The following UVRAG variants were observed in gnomAD, a reference collection of about 807,000 sequenced individuals.
UVRAG encodes the protein UV radiation resistance-associated gene protein.
A neutral mutation model predicts 78.0 loss-of-function variants in UVRAG; 19 were observed. The observed-to-expected ratio is 0.24, with a 90% confidence interval of 0.17 to 0.36. The LOEUF is 0.36. Ranked by LOEUF, UVRAG falls within the 10% of genes least tolerant of loss-of-function variation. The probability of loss-of-function intolerance (pLI) is 1.00; values close to 1 mark genes in which losing one functional copy is unlikely to be tolerated. For missense variants in UVRAG, 740 were observed against 853.8 expected (o/e 0.87, Z 1.66); for synonymous variants, 323 against 324.6 (o/e 1.00, Z 0.05).
chr11:75,977,495 T>C (rs1949269461), intron 7 of UVRAG, among the ~76,000 whole-genome samples: 1 of 152,182 alleles, frequency 6.6e-6, no homozygotes, highest in African/African-American at 2.4e-5. Context: ...ATTATTATTG[T>C]GTGGGACTCT....
chr11:75,880,082 A>G, intron 4 of UVRAG, 42 bp downstream of exon 4: 1 of 1,607,510 alleles, frequency 6.2e-7, no homozygotes, highest in East Asian at 2.2e-5. Context: ...TCATCTCCAA[A>G]TTAACGTGTC....
At chr11:76,082,306 C>T (rs1018640087) in intron 13 of UVRAG, among the ~76,000 whole-genome samples, 2 of 151,852 alleles carry the variant, frequency 1.3e-5, no homozygotes, top group East Asian at 1.9e-4. Flanking sequence ...TTTGGGAGGC[C>T]GAGGCGGGCA....
chr11:75,928,755 T>C (rs1948166514), intron 6 of UVRAG, among the ~76,000 whole-genome samples: 1 of 151,390 alleles, frequency 6.6e-6, no homozygotes. Context: ...CTGGCTAACA[T>C]GGTGAAACCC....
intron 7 of UVRAG, chr11:75,979,683 G>A (rs768315544): frequency 3.3e-5 from 5 of 152,638 alleles, no homozygotes; most frequent in African/African-American, 1.2e-4. Context: ...AGCCAGGCGC[G>A]GGATATAATC....
At position 76,105,367 on chromosome 11, in the gene UVRAG, T is replaced by C. The variant is rs145029802; in HGVS notation, c.1306-10557T>C. On this transcript the variant is annotated intron_variant, in intron 13 of 14. Coordinates refer to ENST00000356136, the MANE Select transcript of UVRAG (RefSeq NM_003369.4). Reference sequence around the variant, plus strand: ...CTGCAGTGAGCTGTGTTTCTGCCACTGCACTCCAGTCTGGATGACAAAGCA... The same window carrying C: ...CTGCAGTGAGCTGTGTTTCTGCCACCGCACTCCAGTCTGGATGACAAAGCA... 5.8e-3 allele frequency among the ~76,000 whole-genome samples: 887 copies of C among 152,200 alleles called. 5 individuals are homozygous for C. The highest frequency in any genetic ancestry group is 8.9e-3 in the Non-Finnish European group (606 of 67,988).
intron 1 of UVRAG, among the ~76,000 whole-genome samples, chr11:75,827,476 T>C (rs1486900343): frequency 6.6e-6 from 1 of 152,080 alleles, no homozygotes; most frequent in African/African-American, 2.4e-5. Flanking sequence ...CTGGGCGTGG[T>C]GGCGGGCACC....
At chr11:75,963,706 C>G (rs962931593) in intron 7 of UVRAG, among the ~76,000 whole-genome samples, 1 of 152,210 alleles carries the variant, frequency 6.6e-6, no homozygotes, top group African/African-American at 2.4e-5. Flanking sequence ...TAGTTGGTGA[C>G]TTTCAAAAAT....
chr11:76,141,569 A>T lies in UVRAG; in HGVS notation c.*156A>T. 1 of 793,370 alleles carries T rather than the reference A, an allele frequency of 1.3e-6. No homozygotes were observed. Among genetic ancestry groups the T allele is most frequent in the Non-Finnish European group, 1.9e-6 (1 of 519,990 alleles). 49.1% of individuals were successfully genotyped at this position (793,370 alleles called of 1,614,324 possible). A position where few individuals can be genotyped will look rare whatever the true frequency, so the allele number is the denominator to read the frequency against. On this transcript the variant is annotated 3_prime_UTR_variant, in exon 15 of 15. Transcript: ENST00000356136. ...TTTGGGAATGAAGGAGGGACTCAGG[A>T]TCATTGTTATCAGTGGGCCAAAGTT...
chr11:75,827,650 G>A (rs944199063), intron 1 of UVRAG, among the ~76,000 whole-genome samples: 1 of 152,034 alleles, frequency 6.6e-6, no homozygotes. Context: ...CTAATTCTGA[G>A]TGCAGGATAG....
intron 3 of UVRAG, among the ~76,000 whole-genome samples, chr11:75,871,695 C>G (rs1260622939): frequency 6.6e-6 from 1 of 152,202 alleles, no homozygotes; most frequent in African/African-American, 2.4e-5. Context: ...GTGCCTTTCT[C>G]TGAGGTAGGT....
chr11:75,826,329 G>T (rs1945510756), intron 1 of UVRAG, among the ~76,000 whole-genome samples: 1 of 151,482 alleles, frequency 6.6e-6, no homozygotes, highest in Admixed American at 6.6e-5. Flanking sequence ...CTAATTTTTT[G>T]TATCTTTAGT....
chr11:75,889,854 G>C (rs1189818149), intron 5 of UVRAG, among the ~76,000 whole-genome samples: 1 of 152,192 alleles, frequency 6.6e-6, no homozygotes, highest in Admixed American at 6.5e-5. Flanking sequence ...GGTGGTAAAT[G>C]CTATATAAGC....
rs113183732 is a variant in UVRAG at position 75,912,042 on chromosome 11, A to G, written c.593+3A>G. On this transcript the variant is annotated splice_donor_region_variant and intron_variant, in intron 6 of 14. Coordinates refer to ENST00000356136, the MANE Select transcript of UVRAG (RefSeq NM_003369.4). The stretch of plus-strand genomic sequence containing the variant: ...TACGATGTCTTCTCTTTGCTACGGT[A>G]AGAAACTTCTTAGATTGCCCTGAAT... The G allele has an allele frequency of 9.7e-4, 1,550 of 1,600,228 alleles. 15 individuals are homozygous for G. In the African/African-American group the frequency reaches 0.016, roughly 17 times the overall value.
At chr11:76,022,375 G>C (rs1950260014) in intron 12 of UVRAG, among the ~76,000 whole-genome samples, 1 of 152,110 alleles carries the variant, frequency 6.6e-6, no homozygotes, top group African/African-American at 2.4e-5. Context: ...TTATGACTGG[G>C]AATAGAGTAT....
intron 11 of UVRAG, 128 bp downstream of exon 11, chr11:76,008,995 G>A (rs1031429694): frequency 1.3e-4 from 69 of 515,988 alleles, no homozygotes; most frequent in Non-Finnish European, 2.3e-4. Flanking sequence ...CCAATTGCAA[G>A]TATGTATATC....
At chr11:76,116,947 G>C (rs59466766) in intron 14 of UVRAG, among the ~76,000 whole-genome samples, 1,754 of 152,244 alleles carry the variant, frequency 0.012, 30 homozygotes, top group African/African-American at 0.04. Context: ...CTCCTGTTAA[G>C]CAAATACACA....
intron 1 of UVRAG, among the ~76,000 whole-genome samples, chr11:75,829,070 G>A (rs1432498231): frequency 6.6e-6 from 1 of 151,722 alleles, no homozygotes; most frequent in Non-Finnish European, 1.5e-5. Context: ...TTTCTTTTTG[G>A]TTTCTTTTTT....
At position 76,056,090 on chromosome 11, in the gene UVRAG, A is replaced by C. The variant is rs552934296; in HGVS notation, c.1227-9620A>C. The stretch of plus-strand genomic sequence containing the variant: ...TGTGCAGTCCAGCACGTCAAGATAC[A>C]GATCATTGACTCTCCCCTGAAACTT... On this transcript the variant is annotated intron_variant, in intron 12 of 14. Transcript: ENST00000356136. Among the ~76,000 whole-genome samples, 10 of 152,328 alleles carry C rather than the reference A, an allele frequency of 6.6e-5. No individual in the cohort carries two copies. In the South Asian group the frequency reaches 2.1e-3, roughly 32 times the overall value.
intron 13 of UVRAG, among the ~76,000 whole-genome samples, chr11:76,085,917 C>T (rs1187422634): frequency 6.6e-6 from 1 of 152,158 alleles, no homozygotes; most frequent in Non-Finnish European, 1.5e-5. Flanking sequence ...ACATGTCAGA[C>T]ACCCCATGCC....
Sources: gnomAD v4.1 joint callset for allele counts (sites outside exome capture counted in the v4.1 genomes callset) on GRCh38, gnomAD v4.1.1 for gene constraint, MANE v1.5 for transcripts, NCBI Gene and HGNC (gene_info 2026-07-23, HGNC 2026-07-21) for gene names.